Variants in SEPTIN9 observed in about 807,000 individuals in gnomAD.
The protein encoded by SEPTIN9 is septin 9, also known as septin-9.
SEPTIN9 carries 13 observed loss-of-function variants against 56.6 expected under a neutral mutation model. The ratio of observed to expected loss-of-function variants is 0.23; its 90% CI spans 0.15 to 0.37. The LOEUF (loss-of-function observed/expected upper bound fraction) is 0.37. Among genes scored for constraint, SEPTIN9 ranks in the 10% least tolerant of loss-of-function variants. The pLI, the probability that SEPTIN9 is intolerant of heterozygous loss-of-function variation, is 1.00. For synonymous variants in SEPTIN9, 332 were observed against 334.1 expected, an observed-to-expected ratio of 0.99 and a Z score of 0.07; for missense variants, 650 against 823.1, an observed-to-expected ratio of 0.79 and a Z score of 2.57.
chr17:77,311,180 A>G (rs538116281), intron 2 of SEPTIN9, among the ~76,000 whole-genome samples: 5 of 152,092 alleles, frequency 3.3e-5, no homozygotes, highest in South Asian at 2.1e-4. Flanking sequence ...GGAGTGACGC[A>G]GCCCCAGGCC....
intron 2 of SEPTIN9, among the ~76,000 whole-genome samples, chr17:77,328,006 C>T (rs1026476698): frequency 7.9e-5 from 12 of 151,600 alleles, no homozygotes; most frequent in Non-Finnish European, 1.6e-4. Context: ...AGGGTGTCCC[C>T]GTGCCTAGTG....
In SEPTIN9 at chr17:77,306,093, A is replaced by AATGG. The variant is rs536146754; in HGVS notation, c.20-1035_20-1032dup. Among the ~76,000 whole-genome samples the AATGG allele has an allele frequency of 6.0e-5, 9 of 151,256 alleles. No homozygotes were observed. In the South Asian group the frequency reaches 1.9e-3, roughly 32 times the overall value. ...GTGGGGTGGATGGGGTCCATGGGTG[A>AATGG]ATGGATGGATGGATGGGTGAATGGA... is the stretch of plus-strand genomic sequence containing the variant. On this transcript the variant is annotated intron_variant, in intron 1 of 11. Coordinates refer to ENST00000427177, the MANE Select transcript of SEPTIN9 (RefSeq NM_001113491.2).
At chr17:77,378,008 C>T (rs1229757534) in intron 2 of SEPTIN9, among the ~76,000 whole-genome samples, 1 of 152,176 alleles carries the variant, frequency 6.6e-6, no homozygotes, top group Non-Finnish European at 1.5e-5. Context: ...CAGACAGACC[C>T]ACTGTCCCGA....
chr17:77,428,065 A>C (rs533623885), intron 3 of SEPTIN9, among the ~76,000 whole-genome samples: 1 of 152,304 alleles, frequency 6.6e-6, no homozygotes, highest in East Asian at 1.9e-4. Flanking sequence ...CCCTCTGTGC[A>C]TCTCCTGTAA....
At chr17:77,495,281 G>A (rs1247804527) in intron 10 of SEPTIN9, among the ~76,000 whole-genome samples, 2 of 152,208 alleles carry the variant, frequency 1.3e-5, no homozygotes, top group Non-Finnish European at 2.9e-5. Context: ...GTGAGGTGGT[G>A]GGGCCCACTT....
intron 2 of SEPTIN9, among the ~76,000 whole-genome samples, chr17:77,350,889 G>A (rs1369875277): frequency 6.6e-6 from 1 of 152,140 alleles, no homozygotes; most frequent in African/African-American, 2.4e-5. Flanking sequence ...GTTTCATGAA[G>A]CCTGAGGACC....
intron 2 of SEPTIN9, among the ~76,000 whole-genome samples, chr17:77,384,643 T>G (rs1258552172): frequency 1.3e-5 from 2 of 150,506 alleles, no homozygotes; most frequent in Non-Finnish European, 3.0e-5. Flanking sequence ...CACCAAGAGT[T>G]GGGGACCAGC....
At chr17:77,443,028 A>T (rs2037607568) in intron 3 of SEPTIN9, among the ~76,000 whole-genome samples, 1 of 152,006 alleles carries the variant, frequency 6.6e-6, no homozygotes, top group Non-Finnish European at 1.5e-5. Flanking sequence ...TCTTCCAGGG[A>T]AGAGTCAGTT....
intron 3 of SEPTIN9, among the ~76,000 whole-genome samples, chr17:77,477,157 C>T (rs917974570): frequency 6.6e-6 from 1 of 151,500 alleles, no homozygotes; most frequent in Non-Finnish European, 1.5e-5. Context: ...CTCTCCCGTC[C>T]TCATGGGGAT....
intron 2 of SEPTIN9, among the ~76,000 whole-genome samples, chr17:77,366,586 C>A (rs975836050): frequency 1.3e-5 from 2 of 152,204 alleles, no homozygotes; most frequent in Admixed American, 6.5e-5. Context: ...CCACCCAGTC[C>A]TTCAGTCCTT....
In SEPTIN9 at chr17:77,445,361, A is replaced by C. The variant is rs928653286; in HGVS notation, c.722-36783A>C. On this transcript the variant is annotated intron_variant, in intron 3 of 11. Transcript: ENST00000427177. This position sits in a 1 kb window ranked among gnomAD's most constrained non-coding sequence, Gnocchi z 4.7. The stretch of plus-strand genomic sequence containing the variant: ...ATATTGCTCTTGGCATTTGATGGGA[A>C]GCATCTGCTGCATCCCATTGGGGTG... The C allele has an allele frequency of 1.1e-5, 5 of 465,092 alleles. No individual in the cohort carries two copies. The Admixed American group carries it at 1.2e-4, about 11-fold the overall frequency. 28.8% of individuals were successfully genotyped at this position (465,092 alleles called of 1,614,324 possible). A position where few individuals can be genotyped will look rare whatever the true frequency, so the allele number is the denominator to read the frequency against.
chr17:77,455,035 AT>A (rs1264289856), intron 3 of SEPTIN9, among the ~76,000 whole-genome samples: 1 of 149,790 alleles, frequency 6.7e-6, no homozygotes, highest in Non-Finnish European at 1.5e-5. Flanking sequence ...CCTAAACGCG[AT>A]TGGCTCTCTT....
chr17:77,425,470 T>C lies in SEPTIN9; in HGVS notation c.721+22767T>C, dbSNP rs2036870077. 6.6e-6 allele frequency among the ~76,000 whole-genome samples: 1 copy of C among 152,134 alleles called. No homozygotes were observed. Among genetic ancestry groups the C allele is most frequent in the African/African-American group, 2.4e-5 (1 of 41,418 alleles). ...TCTGGATACAGCCCTCACCTCTTCC[T>C]GGCCCCCTCTCTGGTCATGGGGACG... On this transcript the variant is annotated intron_variant, in intron 3 of 11. Coordinates refer to ENST00000427177, the MANE Select transcript of SEPTIN9 (RefSeq NM_001113491.2). The surrounding 1 kb of genome is among the most constrained non-coding windows in gnomAD (Gnocchi z 4.2).
chr17:77,390,717 C>G (rs2035512004), intron 2 of SEPTIN9, among the ~76,000 whole-genome samples: 1 of 152,150 alleles, frequency 6.6e-6, no homozygotes, highest in Non-Finnish European at 1.5e-5. Flanking sequence ...TCCCAAAGTG[C>G]TGGGATTACA....
chr17:77,461,662 C>G (rs1413482340), intron 3 of SEPTIN9, among the ~76,000 whole-genome samples: 15 of 152,206 alleles, frequency 9.9e-5, no homozygotes. Context: ...GCTGTATTCA[C>G]AAAGTGATTG....
rs1230642374 is a variant in SEPTIN9 at position 77,402,442 on chromosome 17, A to G, written c.460A>G (p.Ile154Val). ...EPAPRRTEIT[I>V]VKPQESAHRR... ...GGCCCCTCGGAGGACGGAGATCACC[A>G]TCGTCAAACCCCAGGAGTCAGCCCA... The change falls in exon 3 of 12, where the codon ATC becomes GTC. Residue 154 changes from isoleucine to valine, a missense_variant. Physicochemically the swap from Ile to Val is conservative, Grantham distance 29. This residue lies in a region of SEPTIN9 where 317 missense variants were observed against 329.1 expected (regional missense o/e 0.96). Coordinates refer to ENST00000427177, the MANE Select transcript of SEPTIN9 (RefSeq NM_001113491.2). This position sits in a 1 kb window ranked among gnomAD's most constrained non-coding sequence, Gnocchi z 6.6. 2.5e-6 allele frequency: 4 copies of G among 1,610,464 alleles called. No homozygotes were observed. In the South Asian group the frequency reaches 3.3e-5, roughly 13 times the overall value.
rs8075505 is a variant in SEPTIN9 at position 77,449,839 on chromosome 17, G to A, written c.722-32305G>A. On this transcript the variant is annotated intron_variant, in intron 3 of 11. Transcript: ENST00000427177. The surrounding 1 kb of genome is among the most constrained non-coding windows in gnomAD (Gnocchi z 4.6). ...CTGAGTGGCCGCACTTCCTGGCCTAGACGTGTGTGTCTTGCTGTAATTTTG... is the reference window on the plus strand; with the variant it reads ...CTGAGTGGCCGCACTTCCTGGCCTAAACGTGTGTGTCTTGCTGTAATTTTG... Among the ~76,000 whole-genome samples, 3,798 of 152,290 alleles carry A rather than the reference G, an allele frequency of 0.025. 139 individuals are homozygous for A. The highest frequency in any genetic ancestry group is 0.082 in the African/African-American group (3,425 of 41,518).
At chr17:77,463,893 G>A (rs916174284) in intron 3 of SEPTIN9, among the ~76,000 whole-genome samples, 6 of 151,884 alleles carry the variant, frequency 4.0e-5, no homozygotes, top group South Asian at 2.1e-4. Context: ...ATTCTCGATC[G>A]CTGAAAATGT....
chr17:77,443,619 CCT>C (rs752605130), intron 3 of SEPTIN9, among the ~76,000 whole-genome samples: 84 of 151,904 alleles, frequency 5.5e-4, no homozygotes, highest in Non-Finnish European at 1.9e-4. Flanking sequence ...ATGGTGAAAC[CCT>C]GTCTCTGCTA....
Sources: allele counts gnomAD v4.1 joint callset (sites outside exome capture counted in the v4.1 genomes callset), GRCh38; gene constraint gnomAD v4.1.1; regional missense constraint gnomAD v4.1.1; non-coding constraint Gnocchi (gnomAD v3.1); transcripts MANE v1.5; gene names NCBI Gene and HGNC (gene_info 2026-07-23, HGNC 2026-07-21).